The following ASXL3 variants were observed in gnomAD, a reference collection of about 807,000 sequenced individuals.
The protein encoded by ASXL3 is ASXL transcriptional regulator 3, also known as putative Polycomb group protein ASXL3.
Under a neutral mutation model 170.6 loss-of-function variants are expected in ASXL3, and 34 were observed. The observed-to-expected ratio is 0.20, with a 90% CI of 0.15 to 0.27. The LOEUF (loss-of-function observed/expected upper bound fraction) is 0.27. ASXL3 is among the 10% of genes least tolerant of loss of function. The pLI, the probability that ASXL3 is intolerant of heterozygous loss-of-function variation, is 1.00. For synonymous variants in ASXL3, 1,002 were observed against 989.1 expected (o/e 1.01, Z -0.24); for missense variants, 2,592 against 2,695.3 (o/e 0.96, Z 0.85).
chr18:33,617,403 A>G (rs927711989), intron 2 of ASXL3, among the ~76,000 whole-genome samples: 4 of 152,022 alleles, frequency 2.6e-5, no homozygotes, highest in African/African-American at 9.7e-5. Flanking sequence ...AGGCAGGAGA[A>G]TTGCTTGAAC....
rs1555742146 is a variant in ASXL3 at position 33,738,826 on chromosome 18, T to A, written c.1422T>A (p.Pro474=). 6.2e-7 allele frequency: 1 copy of A among 1,613,490 alleles called. No individual in the cohort carries two copies. Among genetic ancestry groups the A allele is most frequent in the African/African-American group, 1.3e-5 (1 of 74,922 alleles). The change falls in exon 11 of 12, where the codon CCT becomes CCA. Residue 474 remains proline (P), a synonymous_variant. Coordinates refer to ENST00000269197, the MANE Select transcript of ASXL3 (RefSeq NM_030632.3). ...ECQDENHKTI[P]EFSEEAESLT... Reference sequence around the variant, plus strand: ...AGGATGAAAATCATAAGACAATACCTGAATTTTCTGAGGAGGCTGAAAGTC... The same window carrying A: ...AGGATGAAAATCATAAGACAATACCAGAATTTTCTGAGGAGGCTGAAAGTC...
chr18:33,730,590 T>A (rs141597736), intron 8 of ASXL3, among the ~76,000 whole-genome samples: 2 of 151,978 alleles, frequency 1.3e-5, no homozygotes, highest in East Asian at 3.9e-4. Flanking sequence ...AGGGCTTTGG[T>A]AAACCTATGA....
intron 1 of ASXL3, among the ~76,000 whole-genome samples, chr18:33,580,267 A>G (rs916186105): frequency 4.6e-5 from 7 of 152,242 alleles, no homozygotes; most frequent in Non-Finnish European, 1.0e-4. Flanking sequence ...TGTGAGAAGT[A>G]AGCAGTAAGT....
At chr18:33,653,127 T>C (rs1234163442) in intron 4 of ASXL3, among the ~76,000 whole-genome samples, 1 of 152,070 alleles carries the variant, frequency 6.6e-6, no homozygotes, top group Non-Finnish European at 1.5e-5. Context: ...CTTGTTTTGC[T>C]GGAGGTTTTA....
intron 5 of ASXL3, among the ~76,000 whole-genome samples, chr18:33,663,354 C>A (rs906887581): frequency 6.6e-6 from 1 of 152,122 alleles, no homozygotes; most frequent in Non-Finnish European, 1.5e-5. Context: ...ACCATGAAAT[C>A]TTCCTGTATA....
chr18:33,646,792 C>T (rs73955167), intron 4 of ASXL3, among the ~76,000 whole-genome samples: 289 of 147,196 alleles, frequency 2.0e-3, no homozygotes, highest in African/African-American at 6.9e-3. Flanking sequence ...TGTTATCATT[C>T]CTCACAGTGA....
At chr18:33,683,893 C>A (rs1402303236) in intron 8 of ASXL3, among the ~76,000 whole-genome samples, 1 of 152,116 alleles carries the variant, frequency 6.6e-6, no homozygotes, top group Non-Finnish European at 1.5e-5. Context: ...AGAGGGAATA[C>A]TGAAATGCAG....
Position 33,739,097 on chromosome 18 carries a change from G to A in ASXL3, c.1693G>A (p.Val565Ile). ...AGAACATAAGGAGTCAGAAACTGCA[G>A]TAGAGACCAGTACCCCCAAAATAAA... is the stretch of plus-strand genomic sequence containing the variant. ...DTEHKESETA[V>I]ETSTPKIKTG... The change falls in exon 11 of 12, where the codon GTA becomes ATA. Residue 565 changes from valine to isoleucine, a missense_variant. By Grantham distance (29) the Val-to-Ile change is conservative. Coordinates refer to ENST00000269197, the MANE Select transcript of ASXL3 (RefSeq NM_030632.3). The A allele has an allele frequency of 6.2e-7, 1 of 1,613,358 alleles. No homozygotes were observed. Among genetic ancestry groups the A allele is most frequent in the Non-Finnish European group, 8.5e-7 (1 of 1,179,602 alleles).
intron 8 of ASXL3, among the ~76,000 whole-genome samples, chr18:33,686,269 T>C (rs1453016830): frequency 6.6e-6 from 1 of 152,200 alleles, no homozygotes; most frequent in East Asian, 1.9e-4. Context: ...GAATGAATCT[T>C]GTGGAAGAAT....
chr18:33,679,805 T>C (rs901032476), intron 7 of ASXL3, among the ~76,000 whole-genome samples: 1 of 152,118 alleles, frequency 6.6e-6, no homozygotes, highest in Non-Finnish European at 1.5e-5. Flanking sequence ...TATTATGCTT[T>C]TTAAAATCTA....
rs568221465 is a variant in ASXL3 at position 33,676,222 on chromosome 18, C to CAAAAAAAAAAAAAAA, written c.715+4367_715+4381dup. On this transcript the variant is annotated intron_variant, in intron 7 of 11. Coordinates refer to ENST00000269197, the MANE Select transcript of ASXL3 (RefSeq NM_030632.3). ...CTGGGTGACGAGCGAGACTCCGTCT[C>CAAAAAAAAAAAAAAA]AAAAAAAAAAAAAAAAAAAAAAAAA... Among the ~76,000 whole-genome samples the CAAAAAAAAAAAAAAA allele has an allele frequency of 1.1e-3, 47 of 41,728 alleles. 6 individuals are homozygous for CAAAAAAAAAAAAAAA. Among genetic ancestry groups the CAAAAAAAAAAAAAAA allele is most frequent in the African/African-American group, 3.3e-3 (34 of 10,256 alleles). The allele number at this position is 41,728 out of a possible 152,430, so 27.4% of individuals were successfully genotyped here.
intron 11 of ASXL3, among the ~76,000 whole-genome samples, chr18:33,741,798 C>T (rs2067667931): frequency 1.3e-5 from 2 of 152,142 alleles, no homozygotes; most frequent in South Asian, 4.2e-4. Context: ...GTTATATAAT[C>T]CCAAGGCAAA....
At position 33,739,856 on chromosome 18, in the gene ASXL3, A is replaced by C; in HGVS notation, c.2452A>C (p.Ile818Leu). 6.2e-7 allele frequency: 1 copy of C among 1,613,888 alleles called. No homozygotes were observed. The highest frequency in any genetic ancestry group is 8.5e-7 in the Non-Finnish European group (1 of 1,179,840). Residue 818 changes from isoleucine (I) to leucine (L), a missense_variant, in exon 11 of 12, where the codon ATT (isoleucine) becomes CTT (leucine). By Grantham distance (5) the Ile-to-Leu change is conservative. This residue lies in a region of ASXL3 where 2,246 missense variants were observed against 2,219.6 expected (regional missense o/e 1.01). Transcript: ENST00000269197. ...ACCCATCATAATGAGTTCTTCTTCC[A>C]TTGCTCCTGAAGCATTTCCGTCTGA... Reference protein sequence around the residue: ...PEPIIMSSSSIAPEAFPSEDL... With the variant: ...PEPIIMSSSSLAPEAFPSEDL...
intron 8 of ASXL3, among the ~76,000 whole-genome samples, chr18:33,722,499 G>C (rs1191582769): frequency 6.6e-6 from 1 of 152,118 alleles, no homozygotes; most frequent in Non-Finnish European, 1.5e-5. Context: ...CTTTAAGCCA[G>C]AGCCTACTAT....
intron 8 of ASXL3, among the ~76,000 whole-genome samples, chr18:33,713,248 G>GTTTTTTTTTTTTTTT (rs1226619353): frequency 3.1e-5 from 2 of 65,086 alleles, no homozygotes; most frequent in Non-Finnish European, 2.9e-5. Context: ...GTTTTGTTTT[G>GTTTTTTTTTTTTTTT]TTTTTTTTTT....
At chr18:33,620,867 C>G (rs2065501660) in intron 2 of ASXL3, among the ~76,000 whole-genome samples, 9 of 152,102 alleles carry the variant, frequency 5.9e-5, no homozygotes, top group Admixed American at 5.9e-4. Context: ...TAAAAGGGTA[C>G]CTTTGTGATA....
intron 1 of ASXL3, among the ~76,000 whole-genome samples, chr18:33,589,612 A>G (rs186855488): frequency 6.6e-6 from 1 of 152,270 alleles, no homozygotes; most frequent in Non-Finnish European, 1.5e-5. Context: ...ATTGATTACA[A>G]CACAGATTGG....
intron 5 of ASXL3, among the ~76,000 whole-genome samples, chr18:33,666,542 A>G (rs771499709): frequency 2.6e-5 from 4 of 152,208 alleles, no homozygotes; most frequent in Non-Finnish European, 4.4e-5. Context: ...CCATGAATTT[A>G]TAATATCCAG....
Position 33,642,987 on chromosome 18 carries a change from A to G in ASXL3, c.138-1907A>G, listed in dbSNP as rs537740342. Among the ~76,000 whole-genome samples the G allele has an allele frequency of 2.6e-5, 4 of 152,024 alleles. No homozygotes were observed. In the South Asian group the frequency reaches 8.3e-4, roughly 32 times the overall value. ...AGAAGAAACAGCATTGTGAGGTTTC[A>G]TATTAGGTGAACAATTTTATTAAGT... On this transcript the variant is annotated intron_variant, in intron 2 of 11. Coordinates refer to ENST00000269197, the MANE Select transcript of ASXL3 (RefSeq NM_030632.3).
Sources: gnomAD v4.1 joint callset for allele counts (sites outside exome capture counted in the v4.1 genomes callset) on GRCh38, gnomAD v4.1.1 for gene constraint, gnomAD v4.1.1 regional missense constraint, MANE v1.5 for transcripts, NCBI Gene and HGNC (gene_info 2026-07-23, HGNC 2026-07-21) for gene names.